Variants in SUOX observed in about 807,000 individuals in gnomAD.
SUOX encodes the protein sulfite oxidase, mitochondrial.
SUOX carries 39 observed loss-of-function variants against 41.9 expected under a neutral mutation model. The ratio of observed to expected loss-of-function variants is 0.93; its 90% CI spans 0.72 to 1.21. The LOEUF (loss-of-function observed/expected upper bound fraction) is 1.21, where lower values mean the gene tolerates loss of function less well. Ranked by LOEUF, SUOX falls within the 50% of genes most tolerant of loss-of-function variation. SUOX has a pLI of 0.00. For synonymous variants in SUOX, 220 were observed against 268.4 expected, an observed-to-expected ratio of 0.82 and a Z score of 1.76; for missense variants, 633 against 689.5, an observed-to-expected ratio of 0.92 and a Z score of 0.92.
At position 56,002,555 on chromosome 12, in the gene SUOX, C is replaced by T; in HGVS notation, c.63C>T (p.Ile21=). The change falls in exon 4 of 5, where the codon ATC becomes ATT. Residue 21 remains isoleucine (I), a synonymous_variant. Transcript: ENST00000266971. ...RLQQACRLKS[I]PSRICIQACS... The stretch of plus-strand genomic sequence containing the variant: ...ACCTCTCTTCCAGACTCAAGTCAAT[C>T]CCCTCAAGGATCTGCATTCAGGCCT... 2 of 1,614,158 alleles carry T rather than the reference C, an allele frequency of 1.2e-6. No homozygotes were observed. The highest frequency in any genetic ancestry group is 1.7e-6 in the Non-Finnish European group (2 of 1,180,038).
chr12:56,003,971 T>G lies in SUOX; in HGVS notation c.582T>G (p.Phe194Leu), dbSNP rs149668783. 11 of 1,614,048 alleles carry G rather than the reference T, an allele frequency of 6.8e-6. No homozygotes were observed. In the African/African-American group the frequency reaches 1.5e-4, roughly 22 times the overall value. Reference protein sequence around the residue: ...PALKVNSQRPFNAEPPPELLT... With the variant: ...PALKVNSQRPLNAEPPPELLT... ...TGAAGGTCAACAGCCAGCGGCCCTT[T>G]AATGCAGAGCCTCCCCCTGAGCTGC... is the stretch of plus-strand genomic sequence containing the variant. Residue 194 changes from phenylalanine to leucine, a missense_variant, in exon 5 of 5, where the codon TTT (phenylalanine) becomes TTG (leucine). Coordinates refer to ENST00000266971, the MANE Select transcript of SUOX (RefSeq NM_001032386.2).
Position 55,997,348 on chromosome 12 carries a change from A to C in SUOX, c.-120+9A>C, listed in dbSNP as rs1890343320. On this transcript the variant is annotated intron_variant, in intron 1 of 4. Coordinates refer to ENST00000266971, the MANE Select transcript of SUOX (RefSeq NM_001032386.2). ...TGAAGACACTGGACCCGGTAAGGAG[A>C]CTGGGGGTGGTAAAGAAGCTGGGGA... The C allele has an allele frequency of 6.6e-6, 1 of 152,106 alleles. No homozygotes were observed. Among genetic ancestry groups the C allele is most frequent in the African/African-American group, 2.4e-5 (1 of 41,370 alleles). 9.4% of individuals were successfully genotyped at this position (152,106 alleles called of 1,614,324 possible). A position where few individuals can be genotyped will look rare whatever the true frequency, so the allele number is the denominator to read the frequency against.
Position 56,004,491 on chromosome 12 carries a change from G to A in SUOX, c.1102G>A (p.Val368Met). The change falls in exon 5 of 5, where the codon GTG becomes ATG. Residue 368 changes from valine (V) to methionine (M), a missense_variant. By Grantham distance (21) the Val-to-Met change is conservative. Coordinates refer to ENST00000266971, the MANE Select transcript of SUOX (RefSeq NM_001032386.2). The surrounding 1 kb of genome is among the most constrained non-coding windows in gnomAD (Gnocchi z 4.5). Reference sequence around the variant, plus strand: ...TGACCACGGCTTCCCTGTGCGTGTGGTGGTTCCTGGAGTGGTGGGTGCCCG... The same window carrying A: ...TGACCACGGCTTCCCTGTGCGTGTGATGGTTCCTGGAGTGGTGGGTGCCCG... Reference protein sequence around the residue: ...PRDHGFPVRVVVPGVVGARHV... With the variant: ...PRDHGFPVRVMVPGVVGARHV... 2 of 1,614,192 alleles carry A rather than the reference G, an allele frequency of 1.2e-6. No homozygotes were observed. The highest frequency in any genetic ancestry group is 1.1e-5 in the South Asian group (1 of 91,086).
At chr12:56,001,876 G>C (rs542162391) in intron 2 of SUOX, 1 of 1,174,276 alleles carries the variant, frequency 8.5e-7, no homozygotes, top group Non-Finnish European at 1.1e-6. Context: ...ATTTGGTTTC[G>C]GTCCTTTAGG....
In SUOX at chr12:55,997,711, T is replaced by C. The variant is rs1890358079; in HGVS notation, c.-23T>C. ...CTGCTCTGGTCTAGTACAAACAGGC[T>C]GCTGGCATTGAGGTAGGTGGCAGAG... On this transcript the variant is annotated 5_prime_UTR_variant, in exon 2 of 5. Coordinates refer to ENST00000266971, the MANE Select transcript of SUOX (RefSeq NM_001032386.2). 1 of 152,412 alleles carries C rather than the reference T, an allele frequency of 6.6e-6. No homozygotes were observed. Among genetic ancestry groups the C allele is most frequent in the Non-Finnish European group, 1.5e-5 (1 of 68,236 alleles). 9.4% of individuals were successfully genotyped at this position (152,412 alleles called of 1,614,324 possible). A position where few individuals can be genotyped will look rare whatever the true frequency, so the allele number is the denominator to read the frequency against.
chr12:56,002,168 T>G, intron 2 of SUOX, 44 bp from the exon 3 acceptor site: 1 of 1,610,272 alleles, frequency 6.2e-7, no homozygotes, highest in Non-Finnish European at 8.5e-7. Flanking sequence ...TAATATCCCC[T>G]CCCAGGGTCT....
chr12:56,003,401 AC>A (rs1383464660), intron 4 of SUOX, among the ~76,000 whole-genome samples: 7 of 151,856 alleles, frequency 4.6e-5, no homozygotes, highest in Non-Finnish European at 7.4e-5. Flanking sequence ...AGCTGGGATT[AC>A]AGGCATGCAC....
chr12:56,002,189 A>T (rs1283893052), intron 2 of SUOX, 23 bp from the exon 3 acceptor site: 1 of 1,612,510 alleles, frequency 6.2e-7, no homozygotes, highest in Non-Finnish European at 8.5e-7. Flanking sequence ...CCCTATCTTG[A>T]TCCCAGAATC....
chr12:56,003,790 AG>A lies in SUOX; in HGVS notation c.402del (p.Glu134AspfsTer27). The A allele has an allele frequency of 1.2e-6, 2 of 1,613,816 alleles. No homozygotes were observed. Among genetic ancestry groups the A allele is most frequent in the Non-Finnish European group, 1.7e-6 (2 of 1,179,938 alleles). On this transcript the variant is annotated frameshift_variant, in exon 5 of 5. Transcript: ENST00000266971. LOFTEE classifies it high-confidence loss of function. Reference sequence around the variant, plus strand: ...ATGCTAGCAGCTGGGGGTCCCCTAGAGCCCTTCTGGGCCCTCTATGCTGTTC... The same window carrying A: ...ATGCTAGCAGCTGGGGGTCCCCTAGACCCTTCTGGGCCCTCTATGCTGTTC... Reference protein sequence around the residue: ...KLMLAAGGPLEPFWALYAVHN... With the variant: ...KLMLAAGGPLXPFWALYAVHN...
At chr12:55,998,219 C>T (rs1890377281) in intron 2 of SUOX, among the ~76,000 whole-genome samples, 2 of 152,036 alleles carry the variant, frequency 1.3e-5, no homozygotes, top group South Asian at 4.1e-4. Flanking sequence ...TATGGTCAAC[C>T]GCTTGGAAAA....
Position 56,003,761 on chromosome 12 carries a change from G to A in SUOX, c.372G>A (p.Lys124=), listed in dbSNP as rs1435019075. 3 of 1,613,772 alleles carry A rather than the reference G, an allele frequency of 1.9e-6. No individual in the cohort carries two copies. The highest frequency in any genetic ancestry group is 1.1e-5 in the South Asian group (1 of 91,078). The change falls in exon 5 of 5, where the codon AAG becomes AAA. Residue 124 remains lysine, a synonymous_variant. Transcript: ENST00000266971. ...ACCTACATCCAGGGGGGCCTTCAAAGCTGATGCTAGCAGCTGGGGGTCCCC... is the reference window on the plus strand; with the variant it reads ...ACCTACATCCAGGGGGGCCTTCAAAACTGATGCTAGCAGCTGGGGGTCCCC... The part of the protein sequence containing the change: ...FVDLHPGGPS[K]LMLAAGGPLE...
At chr12:55,998,371 C>A (rs1172717294) in intron 2 of SUOX, among the ~76,000 whole-genome samples, 13 of 148,716 alleles carry the variant, frequency 8.7e-5, no homozygotes, top group African/African-American at 3.0e-4. Context: ...CATAGTAAGA[C>A]CTCATCTCTA....
At chr12:56,000,777 TTTTC>T (rs911081296) in intron 2 of SUOX, among the ~76,000 whole-genome samples, 4 of 152,006 alleles carry the variant, frequency 2.6e-5, no homozygotes, top group South Asian at 2.1e-4. Flanking sequence ...ATTTTTTTCT[TTTTC>T]TTTGTTTTTT....
chr12:56,004,461 C>T lies in SUOX; in HGVS notation c.1072C>T (p.Pro358Ser). 6.2e-7 allele frequency: 1 copy of T among 1,614,092 alleles called. No individual in the cohort carries two copies. The highest frequency in any genetic ancestry group is 8.5e-7 in the Non-Finnish European group (1 of 1,180,006). Reference sequence around the variant, plus strand: ...ATATGAGATGAATGGGCAGCCTCTGCCACGTGACCACGGCTTCCCTGTGCG... The same window carrying T: ...ATATGAGATGAATGGGCAGCCTCTGTCACGTGACCACGGCTTCCCTGTGCG... ...LAYEMNGQPL[P>S]RDHGFPVRVV... Residue 358 changes from proline (P) to serine (S), a missense_variant, in exon 5 of 5, where the codon CCA becomes TCA. Pro to Ser is a moderately conservative substitution (Grantham distance 74). Transcript: ENST00000266971. The surrounding 1 kb of genome is among the most constrained non-coding windows in gnomAD (Gnocchi z 4.5).
rs1890700907 is a variant in SUOX, at chr12:56,005,207, C to T, written c.*180C>T. 2 of 694,058 alleles carry T rather than the reference C, an allele frequency of 2.9e-6. No homozygotes were observed. The highest frequency in any genetic ancestry group is 1.8e-5 in the African/African-American group (1 of 56,224). The allele number at this position is 694,058 out of a possible 1,614,324, so 43.0% of individuals were successfully genotyped here. A position where few individuals can be genotyped will look rare whatever the true frequency, so the allele number is the denominator to read the frequency against. On this transcript the variant is annotated 3_prime_UTR_variant, in exon 5 of 5. Coordinates refer to ENST00000266971, the MANE Select transcript of SUOX (RefSeq NM_001032386.2). ...CTCTTTGGACACTATGTTACATACC[C>T]CTCTTGGCCTTTGAACCTGTGCCAG... is the stretch of plus-strand genomic sequence containing the variant.
At position 56,002,716 on chromosome 12, in the gene SUOX, G is replaced by A; in HGVS notation, c.224G>A (p.Cys75Tyr). The change falls in exon 4 of 5, where the codon TGT becomes TAT. Residue 75 changes from cysteine to tyrosine, a missense_variant. By Grantham distance (194) the Cys-to-Tyr change is radical. Coordinates refer to ENST00000266971, the MANE Select transcript of SUOX (RefSeq NM_001032386.2). The part of the protein sequence containing the change: ...GAVLAYQDHR[C>Y]RAAQESTHIY... ...GTGTTGGCCTATCAGGACCATCGGT[G>A]TAGGGTAAGTAGGGAAAGTGCTTCA... 2 of 1,614,042 alleles carry A rather than the reference G, an allele frequency of 1.2e-6. No homozygotes were observed. The highest frequency in any genetic ancestry group is 2.2e-5 in the East Asian group (1 of 44,880).
Position 56,004,378 on chromosome 12 carries a change from A to T in SUOX, c.989A>T (p.Tyr330Phe). 1 of 1,614,038 alleles carries T rather than the reference A, an allele frequency of 6.2e-7. No homozygotes were observed. The highest frequency in any genetic ancestry group is 2.2e-5 in the East Asian group (1 of 44,872). ...GLDSDPTGTAYGASIPLARAM... is the reference protein window; with the variant it reads ...GLDSDPTGTAFGASIPLARAM... ...GACTCAGACCCTACTGGGACTGCCT[A>T]TGGAGCATCCATCCCTCTGGCTCGG... The change falls in exon 5 of 5, where the codon TAT becomes TTT. Residue 330 changes from tyrosine (Y) to phenylalanine (F), a missense_variant. Physicochemically the swap from Tyr to Phe is conservative, Grantham distance 22. Coordinates refer to ENST00000266971, the MANE Select transcript of SUOX (RefSeq NM_001032386.2). This position sits in a 1 kb window ranked among gnomAD's most constrained non-coding sequence, Gnocchi z 4.5.
At position 56,003,982 on chromosome 12, in the gene SUOX, C is replaced by G; in HGVS notation, c.593C>G (p.Pro198Arg). Reference sequence around the variant, plus strand: ...AGCCAGCGGCCCTTTAATGCAGAGCCTCCCCCTGAGCTGCTGACAGAAAAC... The same window carrying G: ...AGCCAGCGGCCCTTTAATGCAGAGCGTCCCCCTGAGCTGCTGACAGAAAAC... Reference protein sequence around the residue: ...VNSQRPFNAEPPPELLTENYI... With the variant: ...VNSQRPFNAERPPELLTENYI... The change falls in exon 5 of 5, where the codon CCT (proline) becomes CGT (arginine). Residue 198 changes from proline to arginine, a missense_variant. Physicochemically the swap from Pro to Arg is moderately radical, Grantham distance 103 (BLOSUM62 -2). Transcript: ENST00000266971. The G allele has an allele frequency of 6.2e-7, 1 of 1,614,170 alleles. No homozygotes were observed. Among genetic ancestry groups the G allele is most frequent in the Non-Finnish European group, 8.5e-7 (1 of 1,180,034 alleles).
Position 55,998,090 on chromosome 12 carries a change from G to A in SUOX, c.-11+367G>A, listed in dbSNP as rs77312240. Among the ~76,000 whole-genome samples the A allele has an allele frequency of 6.2e-3, 941 of 152,210 alleles. 7 individuals carry two copies. Among genetic ancestry groups the A allele is most frequent in the Non-Finnish European group, 0.01 (694 of 68,008 alleles). The stretch of plus-strand genomic sequence containing the variant: ...TAGGTTGGGGTCCAGTTCCCAGCTG[G>A]GTTCAATTTTTTTTAGGGTGAATGG... On this transcript the variant is annotated intron_variant, in intron 2 of 4. Transcript: ENST00000266971.
Sources: gnomAD v4.1 joint callset for allele counts (sites outside exome capture counted in the v4.1 genomes callset) on GRCh38, gnomAD v4.1.1 for gene constraint, Gnocchi (gnomAD v3.1) non-coding constraint, MANE v1.5 for transcripts, NCBI Gene and HGNC (gene_info 2026-07-23, HGNC 2026-07-21) for gene names.